The following ALLC variants were observed in gnomAD, a reference collection of about 807,000 sequenced individuals.
ALLC encodes the protein allantoicase.
Under a neutral mutation model 45.0 loss-of-function variants are expected in ALLC, and 40 were observed. The ratio of observed to expected loss-of-function variants is 0.89; its 90% CI spans 0.69 to 1.16. The LOEUF (loss-of-function observed/expected upper bound fraction) is 1.16, where lower values mean the gene tolerates loss of function less well. Among genes scored for constraint, ALLC ranks in the 50% most tolerant of loss-of-function variants. The pLI, the probability that ALLC is intolerant of heterozygous loss-of-function variation, is 0.00. For synonymous variants in ALLC, 176 were observed against 178.1 expected (o/e 0.99, Z 0.09); for missense variants, 488 against 493.1 (o/e 0.99, Z 0.10).
intron 7 of ALLC, among the ~76,000 whole-genome samples, chr2:3,684,688 ATGGT>A (rs2148010358): frequency 6.6e-6 from 1 of 152,286 alleles, no homozygotes; most frequent in South Asian, 2.1e-4. Context: ...ATTTAGAATA[ATGGT>A]CTCCAACTCC....
chr2:3,665,235 C>T (rs1373808793), intron 1 of ALLC, among the ~76,000 whole-genome samples: 1 of 152,006 alleles, frequency 6.6e-6, no homozygotes, highest in African/African-American at 2.4e-5. Flanking sequence ...TATTTATTTC[C>T]CAAAGAGAAA....
rs1667147858 is a variant in ALLC at position 3,680,444 on chromosome 2, T to C, written c.298+450T>C. On this transcript the variant is annotated intron_variant, in intron 5 of 11. Transcript: ENST00000252505. This position sits in a 1 kb window ranked among gnomAD's most constrained non-coding sequence, Gnocchi z 4.0. ...CTATGGCATTTTAGGCAAGGGTTCC[T>C]ATCTGCATCTTGGAATGCTGGACCT... 6.6e-6 allele frequency among the ~76,000 whole-genome samples: 1 copy of C among 152,096 alleles called. No individual in the cohort carries two copies. Among genetic ancestry groups the C allele is most frequent in the Non-Finnish European group, 1.5e-5 (1 of 68,044 alleles).
At chr2:3,682,065 G>T (rs1272356627) in intron 6 of ALLC, among the ~76,000 whole-genome samples, 1 of 151,966 alleles carries the variant, frequency 6.6e-6, no homozygotes, top group East Asian at 1.9e-4. Context: ...TTTAATAAAA[G>T]AAACGGGGGA....
chr2:3,655,562 C>T (rs1666419496), upstream of ALLC, among the ~76,000 whole-genome samples: 1 of 152,150 alleles, frequency 6.6e-6, no homozygotes, highest in Admixed American at 6.5e-5. Context: ...CTCAAGCGAT[C>T]CTCCCACCTC....
At chr2:3,696,196 G>A (rs769237700) in intron 8 of ALLC, 79 bp from the exon 9 acceptor site, 2 of 1,177,426 alleles carry the variant, frequency 1.7e-6, no homozygotes, top group Non-Finnish European at 2.5e-6. Flanking sequence ...CATAAGATCT[G>A]TAATTTAATT....
At chr2:3,664,029 G>A (rs1449693559) in intron 1 of ALLC, among the ~76,000 whole-genome samples, 1 of 152,180 alleles carries the variant, frequency 6.6e-6, no homozygotes, top group Non-Finnish European at 1.5e-5. Context: ...TGCAACCATG[G>A]AACACTTAGA....
At chr2:3,678,345 C>G in intron 3 of ALLC, 123 bp from the exon 4 acceptor site, 1 of 714,834 alleles carries the variant, frequency 1.4e-6, no homozygotes, top group Non-Finnish European at 2.4e-6. Flanking sequence ...AAGGTGGTGG[C>G]AGAGGCTCCC....
rs368488142 is a variant in ALLC, at chr2:3,681,533, GTTA to G, written c.299-98_299-96del. On this transcript the variant is annotated intron_variant, in intron 5 of 11. Coordinates refer to ENST00000252505, the MANE Select transcript of ALLC (RefSeq NM_018436.4). ...TTTGATACTTCGAAATATCTTTAGTGTTATTTGCAAAGCGAGAATTACCATACA... is the reference window on the plus strand; with the variant it reads ...TTTGATACTTCGAAATATCTTTAGTGTTTGCAAAGCGAGAATTACCATACA... 1.5e-5 allele frequency: 11 copies of G among 745,150 alleles called. No individual in the cohort carries two copies. The African/African-American group carries it at 1.6e-4, about 11-fold the overall frequency. The allele number at this position is 745,150 out of a possible 1,614,324, so 46.2% of individuals were successfully genotyped here.
Position 3,695,718 on chromosome 2 carries a change from T to G in ALLC, c.513T>G (p.Asp171Glu), listed in dbSNP as rs780830343. ...WTHIRLNIFP[D>E]GGIARLRVFG... is the part of the protein sequence containing the mutation. The stretch of plus-strand genomic sequence containing the variant: ...AACTAAGGCACCTTTCCTTTTCAGA[T>G]GGTGGAATTGCACGACTTAGAGTAT... Residue 171 changes from aspartate (D) to glutamate (E), a missense_variant and splice_region_variant, in exon 8 of 12, where the codon GAT (aspartate) becomes GAG (glutamate). Physicochemically the swap from Asp to Glu is conservative, Grantham distance 45 (BLOSUM62 2). Transcript: ENST00000252505. 1 of 1,613,982 alleles carries G rather than the reference T, an allele frequency of 6.2e-7. No individual in the cohort carries two copies. The highest frequency in any genetic ancestry group is 8.5e-7 in the Non-Finnish European group (1 of 1,179,874).
upstream of ALLC, among the ~76,000 whole-genome samples, chr2:3,657,964 G>A (rs1274131601): frequency 6.6e-6 from 1 of 152,256 alleles, no homozygotes; most frequent in Non-Finnish European, 1.5e-5. Flanking sequence ...GAAGGTGGGG[G>A]TTTCAGGCCC....
intron 7 of ALLC, among the ~76,000 whole-genome samples, chr2:3,687,474 C>A (rs1394031656): frequency 2.0e-5 from 3 of 150,756 alleles, no homozygotes; most frequent in African/African-American, 7.3e-5. Context: ...TGGAAGTACT[C>A]CTGCTTCAAT....
intron 10 of ALLC, among the ~76,000 whole-genome samples, chr2:3,698,773 TA>T (rs1259044070): frequency 2.5e-4 from 38 of 151,352 alleles, no homozygotes; most frequent in Non-Finnish European, 4.9e-4. Context: ...TTTATTTATT[TA>T]ATTATACTTT....
In ALLC at chr2:3,678,722, G is replaced by C. The variant is rs55782533; in HGVS notation, c.172+167G>C. The stretch of plus-strand genomic sequence containing the variant: ...AACATCAGGCTCTAAGTCAGGAAGG[G>C]GCAGCGTGAGCCCGGGTCACTGACG... On this transcript the variant is annotated intron_variant, in intron 4 of 11. Coordinates refer to ENST00000252505, the MANE Select transcript of ALLC (RefSeq NM_018436.4). Among the ~76,000 whole-genome samples the C allele has an allele frequency of 5.0e-3, 769 of 152,302 alleles. 7 individuals carry two copies. The highest frequency in any genetic ancestry group is 0.018 in the African/African-American group (728 of 41,572).
At chr2:3,646,287 A>G in the ALLC span, among the ~76,000 whole-genome samples, 2 of 152,196 alleles carry the variant, frequency 1.3e-5, no homozygotes, top group Non-Finnish European at 2.9e-5. Flanking sequence ...AGCCCAGGAT[A>G]CTGGTGCAGA....
At chr2:3,674,519 A>G (rs1373291058) in intron 3 of ALLC, among the ~76,000 whole-genome samples, 11 of 152,366 alleles carry the variant, frequency 7.2e-5, no homozygotes, top group Non-Finnish European at 1.0e-4. Context: ...GCTGACGAAC[A>G]TAGGGAAGAA....
chr2:3,648,824 G>A, the ALLC span, among the ~76,000 whole-genome samples: 3 of 152,360 alleles, frequency 2.0e-5, no homozygotes, highest in Admixed American at 2.0e-4. Context: ...TCAAGTGACA[G>A]TGTGATCTTC....
At chr2:3,664,360 T>C (rs1158072770) in intron 1 of ALLC, among the ~76,000 whole-genome samples, 2 of 152,200 alleles carry the variant, frequency 1.3e-5, no homozygotes. Context: ...TTTAAACACA[T>C]TTGAGTAGCA....
intron 1 of ALLC, among the ~76,000 whole-genome samples, chr2:3,661,539 T>C (rs1965733): frequency 0.17 from 26,552 of 152,188 alleles, 2,597 homozygotes; most frequent in East Asian, 0.35. Flanking sequence ...AACAGACCAG[T>C]GCTGGGGCTG....
At chr2:3,676,529 G>A (rs1431117794) in intron 3 of ALLC, among the ~76,000 whole-genome samples, 1 of 151,806 alleles carries the variant, frequency 6.6e-6, no homozygotes, top group African/African-American at 2.4e-5. Context: ...TTACAGGCGT[G>A]AGCCACCGTG....
Sources: gnomAD v4.1 joint callset for allele counts (sites outside exome capture counted in the v4.1 genomes callset) on GRCh38, gnomAD v4.1.1 for gene constraint, Gnocchi (gnomAD v3.1) non-coding constraint, MANE v1.5 for transcripts, NCBI Gene and HGNC (gene_info 2026-07-23, HGNC 2026-07-21) for gene names.